RARB: variants seen among roughly 807,000 people sequenced by gnomAD.
The protein encoded by RARB is HBV-activated protein.
Under a neutral mutation model 51.9 loss-of-function variants are expected in RARB, and 17 were observed. The observed-to-expected ratio is 0.33, with a 90% CI of 0.22 to 0.49. The LOEUF is 0.49. RARB is among the 20% of genes least tolerant of loss of function. RARB has a pLI of 0.99. For missense variants in RARB, 369 were observed against 550.8 expected (o/e 0.67, Z 3.30); for synonymous variants, 215 against 195.4 (o/e 1.10, Z -0.84).
intron 2 of RARB, among the ~76,000 whole-genome samples, chr3:25,474,343 T>C (rs556728556): frequency 2.6e-5 from 4 of 152,238 alleles, no homozygotes; most frequent in Non-Finnish European, 5.9e-5. Flanking sequence ...ATCTGGGGAC[T>C]TTGCGATTAT....
chr3:25,558,994 C>G (rs1050835239), intron 3 of RARB, among the ~76,000 whole-genome samples: 1 of 152,162 alleles, frequency 6.6e-6, no homozygotes, highest in Admixed American at 6.5e-5. Flanking sequence ...AGCCACTCCA[C>G]TCCCCTTCAA....
chr3:25,159,042 T>C (rs1462163690), intron 4 of RARB, among the ~76,000 whole-genome samples: 1 of 151,962 alleles, frequency 6.6e-6, no homozygotes, highest in Non-Finnish European at 1.5e-5. Context: ...GGAAATACTG[T>C]TTGGCTGTGT....
intron 3 of RARB, among the ~76,000 whole-genome samples, chr3:25,104,545 A>AT (rs930295307): frequency 2.0e-5 from 3 of 152,148 alleles, no homozygotes; most frequent in African/African-American, 7.2e-5. Flanking sequence ...TCGGGAGGCT[A>AT]TGGTAGGAGG....
chr3:25,422,994 T>C (rs1440870311), intron 5 of RARB, among the ~76,000 whole-genome samples: 1 of 152,216 alleles, frequency 6.6e-6, no homozygotes, highest in East Asian at 1.9e-4. Context: ...ATTTATTATA[T>C]AGTCTGTGGC....
At chr3:25,310,650 C>A (rs1319600607) in intron 5 of RARB, among the ~76,000 whole-genome samples, 1 of 152,128 alleles carries the variant, frequency 6.6e-6, no homozygotes, top group Non-Finnish European at 1.5e-5. Context: ...CTACTTTGAC[C>A]ACTCATCTAC....
At chr3:24,947,588 G>A (rs1045560348) in intron 2 of RARB, among the ~76,000 whole-genome samples, 7 of 152,146 alleles carry the variant, frequency 4.6e-5, no homozygotes, top group African/African-American at 1.4e-4. Context: ...TTTTGCAGCT[G>A]CAAGGAAGGC....
At chr3:25,151,698 T>C (rs1003685361) in intron 4 of RARB, among the ~76,000 whole-genome samples, 1 of 152,226 alleles carries the variant, frequency 6.6e-6, no homozygotes, top group African/African-American at 2.4e-5. Flanking sequence ...GTACCTTTAT[T>C]GCCATATATG....
chr3:25,104,451 G>T (rs1699460448), intron 3 of RARB, among the ~76,000 whole-genome samples: 1 of 152,080 alleles, frequency 6.6e-6, no homozygotes, highest in African/African-American at 2.4e-5. Context: ...AGACAAGCCT[G>T]GGCAACATGG....
Position 25,291,743 on chromosome 3 carries a change from A to G in RARB, c.178+117168A>G, listed in dbSNP as rs1703793514. On this transcript the variant is annotated intron_variant, in intron 5 of 11. Coordinates refer to the RARB transcript ENST00000383772. Reference sequence around the variant, plus strand: ...TTGATTGAAAGTCAGCCTTTTCTTCAGACACATTCACATTCACATCTAGTA... The same window carrying G: ...TTGATTGAAAGTCAGCCTTTTCTTCGGACACATTCACATTCACATCTAGTA... 2.0e-5 allele frequency among the ~76,000 whole-genome samples: 3 copies of G among 152,092 alleles called. No individual in the cohort carries two copies. The South Asian group carries it at 6.2e-4, about 31-fold the overall frequency.
chr3:25,200,211 G>A (rs1054963765), intron 5 of RARB, among the ~76,000 whole-genome samples: 1 of 151,686 alleles, frequency 6.6e-6, no homozygotes, highest in South Asian at 2.1e-4. Flanking sequence ...GATGAGCATT[G>A]TTTCTTGTGT....
intron 5 of RARB, among the ~76,000 whole-genome samples, chr3:25,303,520 C>G (rs1423285656): frequency 6.6e-6 from 1 of 152,182 alleles, no homozygotes; most frequent in African/African-American, 2.4e-5. Flanking sequence ...AGACCCGTGT[C>G]CCCTCTGACG....
chr3:25,068,826 A>G (rs1469485316), intron 3 of RARB, among the ~76,000 whole-genome samples: 1 of 151,936 alleles, frequency 6.6e-6, no homozygotes, highest in Non-Finnish European at 1.5e-5. Context: ...AGAGCGGCTT[A>G]TCTTCAGGAT....
chr3:25,567,091 A>G (rs1352964836), intron 3 of RARB, among the ~76,000 whole-genome samples: 2 of 152,180 alleles, frequency 1.3e-5, no homozygotes, highest in African/African-American at 2.4e-5. Context: ...AGTTCCTGGT[A>G]TTTAGCGATG....
At chr3:25,005,021 C>T (rs1697241065) in intron 2 of RARB, among the ~76,000 whole-genome samples, 1 of 152,146 alleles carries the variant, frequency 6.6e-6, no homozygotes, top group Non-Finnish European at 1.5e-5. Flanking sequence ...CCATACCCTA[C>T]ATCAAATTTA....
chr3:25,012,934 C>T (rs1376974565), intron 2 of RARB, among the ~76,000 whole-genome samples: 1 of 152,078 alleles, frequency 6.6e-6, no homozygotes, highest in Non-Finnish European at 1.5e-5. Flanking sequence ...ACTTAAGACT[C>T]TGATTAATAA....
At chr3:25,297,043 A>G (rs190066384) in intron 5 of RARB, among the ~76,000 whole-genome samples, 115 of 152,312 alleles carry the variant, frequency 7.6e-4, no homozygotes, top group African/African-American at 2.6e-3. Flanking sequence ...AATGGATTCT[A>G]CAATGGCTAA....
chr3:25,021,873 T>G (rs751450715), intron 2 of RARB, among the ~76,000 whole-genome samples: 1 of 152,168 alleles, frequency 6.6e-6, no homozygotes, highest in Non-Finnish European at 1.5e-5. Context: ...AGGTTCATGC[T>G]CTGAATTACT....
intron 3 of RARB, among the ~76,000 whole-genome samples, chr3:25,531,819 G>A (rs1418565767): frequency 6.6e-6 from 1 of 151,992 alleles, no homozygotes; most frequent in Non-Finnish European, 1.5e-5. Context: ...GAATTTGAGA[G>A]GGGCAAAGAA....
chr3:25,159,897 G>T (rs935016015), intron 4 of RARB, among the ~76,000 whole-genome samples: 1 of 152,158 alleles, frequency 6.6e-6, no homozygotes, highest in African/African-American at 2.4e-5. Context: ...GAATAAGGGA[G>T]ATAATTCAGA....
Sources: allele counts gnomAD v4.1 joint callset (sites outside exome capture counted in the v4.1 genomes callset), GRCh38; gene constraint gnomAD v4.1.1; transcripts MANE v1.5; gene names NCBI Gene and HGNC (gene_info 2026-07-23, HGNC 2026-07-21).